GRIP1: variants seen among roughly 807,000 people sequenced by gnomAD.
GRIP1 encodes the protein glutamate receptor interacting protein 1, also known as glutamate receptor-interacting protein 1.
In GRIP1, 45 loss-of-function variants were observed where a neutral mutation model predicts 129.9. The ratio of observed to expected loss-of-function variants is 0.35; its 90% CI spans 0.27 to 0.44. The LOEUF (loss-of-function observed/expected upper bound fraction) is 0.44. GRIP1 is among the 20% of genes least tolerant of loss of function. GRIP1 has a pLI of 1.00. For synonymous variants in GRIP1, 530 were observed against 520.8 expected (o/e 1.02, Z -0.24); for missense variants, 1,196 against 1,396.8 (o/e 0.86, Z 2.29).
intron 1 of GRIP1, among the ~76,000 whole-genome samples, chr12:66,894,546 G>T (rs1003514636): frequency 6.6e-6 from 1 of 152,146 alleles, no homozygotes; most frequent in Non-Finnish European, 1.5e-5. Context: ...GAAAGCCAGG[G>T]TCTTCTGTAT....
At chr12:66,651,628 A>G (rs1159869622) in intron 1 of GRIP1, among the ~76,000 whole-genome samples, 1 of 152,200 alleles carries the variant, frequency 6.6e-6, no homozygotes, top group African/African-American at 2.4e-5. Flanking sequence ...AAACAAGCAC[A>G]TTAGGATTAT....
intron 1 of GRIP1, among the ~76,000 whole-genome samples, chr12:66,963,166 T>A (rs1231398380): frequency 4.0e-5 from 6 of 151,816 alleles, no homozygotes; most frequent in Non-Finnish European, 8.8e-5. Context: ...AAAAAAAACA[T>A]TAGCCAGGTG....
At chr12:66,579,461 G>C (rs1592588383) in intron 2 of GRIP1, among the ~76,000 whole-genome samples, 1 of 151,974 alleles carries the variant, frequency 6.6e-6, no homozygotes, top group East Asian at 1.9e-4. Context: ...CAAACTACGA[G>C]CTACAGGAGG....
At chr12:67,010,997 T>C (rs1031654402) in intron 1 of GRIP1, among the ~76,000 whole-genome samples, 1 of 152,158 alleles carries the variant, frequency 6.6e-6, no homozygotes, top group Non-Finnish European at 1.5e-5. Flanking sequence ...ATCTCACTTA[T>C]CAACATGGCT....
intron 1 of GRIP1, among the ~76,000 whole-genome samples, chr12:66,616,517 T>C (rs2065043846): frequency 6.6e-6 from 1 of 152,068 alleles, no homozygotes; most frequent in Non-Finnish European, 1.5e-5. Flanking sequence ...TTTGAGGCTT[T>C]TGAAGGGGAG....
chr12:66,462,840 G>C, intron 9 of GRIP1, 84 bp downstream of exon 9: 1 of 834,974 alleles, frequency 1.2e-6, no homozygotes, highest in Non-Finnish European at 2.0e-6. Flanking sequence ...ATGAGACCCA[G>C]TGTCTTTCTG....
chr12:66,378,732 G>A (rs550137995), intron 20 of GRIP1, among the ~76,000 whole-genome samples: 1 of 151,956 alleles, frequency 6.6e-6, no homozygotes, highest in Non-Finnish European at 1.5e-5. Context: ...GCAATAGAGC[G>A]ATACTCCATC....
intron 1 of GRIP1, among the ~76,000 whole-genome samples, chr12:66,910,688 A>C (rs1439565559): frequency 6.6e-6 from 1 of 152,208 alleles, no homozygotes; most frequent in African/African-American, 2.4e-5. Flanking sequence ...GAAACTTGAA[A>C]TGAAGAGACT....
At chr12:66,640,882 A>G (rs982788782) in intron 1 of GRIP1, among the ~76,000 whole-genome samples, 1 of 152,334 alleles carries the variant, frequency 6.6e-6, no homozygotes. Flanking sequence ...GTCTGGAAGT[A>G]GTTCATAAAT....
intron 1 of GRIP1, among the ~76,000 whole-genome samples, chr12:66,889,839 T>C (rs1305807281): frequency 6.6e-6 from 1 of 152,236 alleles, no homozygotes; most frequent in Non-Finnish European, 1.5e-5. Context: ...GAGTGCCTAA[T>C]ATATGCCATG....
intron 1 of GRIP1, among the ~76,000 whole-genome samples, chr12:66,664,735 A>G (rs1259755120): frequency 2.6e-5 from 4 of 152,194 alleles, no homozygotes; most frequent in Admixed American, 6.5e-5. Context: ...TAGGTACATA[A>G]TATACCCAGT....
At chr12:66,703,307 T>C (rs1403285774) in intron 1 of GRIP1, among the ~76,000 whole-genome samples, 1 of 152,172 alleles carries the variant, frequency 6.6e-6, no homozygotes, top group Admixed American at 6.6e-5. Context: ...AGTGGATTTC[T>C]AAGACCTTGC....
intron 1 of GRIP1, among the ~76,000 whole-genome samples, chr12:66,960,999 G>A (rs1307851581): frequency 2.0e-5 from 3 of 152,082 alleles, no homozygotes; most frequent in Non-Finnish European, 2.9e-5. Context: ...GATCAAGGTT[G>A]GAGTTTAATG....
chr12:66,442,277 C>T lies in GRIP1; in HGVS notation c.1687+2307G>A, dbSNP rs137963225. On this transcript the variant is annotated intron_variant, in intron 13 of 24. Coordinates refer to ENST00000359742, the MANE Select transcript of GRIP1 (RefSeq NM_001366722.1). ...CAACTCCCTTATATTGTTCCAGGAA[C>T]AGCCCTTTTTGTTGTTTCTCCAGCA... 1.1e-3 allele frequency among the ~76,000 whole-genome samples: 166 copies of T among 152,308 alleles called. 2 individuals are homozygous for T. The highest frequency in any genetic ancestry group is 3.7e-3 in the African/African-American group (155 of 41,572).
At chr12:66,388,262 A>C (rs1187510965) in intron 19 of GRIP1, among the ~76,000 whole-genome samples, 1 of 151,748 alleles carries the variant, frequency 6.6e-6, no homozygotes, top group African/African-American at 2.4e-5. Flanking sequence ...GAAAATAAAA[A>C]ATTAAAAAAG....
chr12:66,850,778 T>A (rs1198328873), intron 1 of GRIP1, among the ~76,000 whole-genome samples: 2 of 151,818 alleles, frequency 1.3e-5, no homozygotes, highest in Non-Finnish European at 2.9e-5. Flanking sequence ...TCAGCCAGCA[T>A]GTAACCACAT....
chr12:66,491,222 A>G (rs913226280), intron 7 of GRIP1, among the ~76,000 whole-genome samples: 3 of 152,246 alleles, frequency 2.0e-5, no homozygotes, highest in Non-Finnish European at 4.4e-5. Context: ...CCAAATGCTC[A>G]TCAATGATAG....
chr12:66,776,251 AG>A (rs2037976013), intron 1 of GRIP1, among the ~76,000 whole-genome samples: 1 of 152,218 alleles, frequency 6.6e-6, no homozygotes, highest in Non-Finnish European at 1.5e-5. Flanking sequence ...TCACCTACAT[AG>A]GTATCCAATT....
At chr12:66,474,090 G>A (rs2059528765) in intron 7 of GRIP1, among the ~76,000 whole-genome samples, 2 of 151,866 alleles carry the variant, frequency 1.3e-5, no homozygotes, top group Non-Finnish European at 2.9e-5. Flanking sequence ...CTTGAAAAAA[G>A]GTTAGATGAA....
Sources: gnomAD v4.1 joint callset for allele counts (sites outside exome capture counted in the v4.1 genomes callset) on GRCh38, gnomAD v4.1.1 for gene constraint, MANE v1.5 for transcripts, NCBI Gene and HGNC (gene_info 2026-07-23, HGNC 2026-07-21) for gene names.